Variants in TRAPPC2L observed in about 807,000 individuals in gnomAD.
TRAPPC2L encodes trafficking protein particle complex subunit 2L.
In TRAPPC2L, 17 loss-of-function variants were observed where a neutral mutation model predicts 13.2. That is an observed-to-expected ratio of 1.29 (90% CI 0.88 to 1.93). The LOEUF is 1.93. Among genes scored for constraint, TRAPPC2L ranks in the 30% most tolerant of loss-of-function variants. The pLI is 0.00. For missense variants in TRAPPC2L, 359 were observed against 252.1 expected (o/e 1.42, Z -2.87); for synonymous variants, 150 against 98.1 (o/e 1.53, Z -3.12).
At chr16:88,860,237 A>G (rs1402212056) in exon 4 of TRAPPC2L, 2 of 702,630 alleles carry the variant, frequency 2.8e-6, no homozygotes, top group African/African-American at 1.7e-5. Flanking sequence ...AGGTGTGCCC[A>G]GTGGGTACCT....
At chr16:88,856,920 T>C (rs1297521458), upstream of TRAPPC2L, 6 of 1,484,026 alleles carry the variant, frequency 4.0e-6, no homozygotes, top group Admixed American at 9.2e-5. Flanking sequence ...CGAGCCGACC[T>C]AGCGAGCGTC....
Position 88,858,945 on chromosome 16 carries a change from ACTCTT to A in TRAPPC2L, c.206+160_206+164del, listed in dbSNP as rs1968184514. On this transcript the variant is annotated intron_variant, in intron 2 of 3. Coordinates refer to ENST00000565504, the Ensembl canonical transcript of TRAPPC2L. The stretch of plus-strand genomic sequence containing the variant: ...AGCTTGAGGTGAATGAAGGCCTGTA[ACTCTT>A]CTCTTTCATTGGAAGAGCCATTTGG... 6.7e-6 allele frequency: 5 copies of A among 741,530 alleles called. No homozygotes were observed. The East Asian group carries it at 1.4e-4, about 21-fold the overall frequency. The allele number at this position is 741,530 out of a possible 1,614,324, so 45.9% of individuals were successfully genotyped here. A position where few individuals can be genotyped will look rare whatever the true frequency, so the allele number is the denominator to read the frequency against.
At chr16:88,859,792 T>C (rs759375219) in intron 3 of TRAPPC2L, 42 bp downstream of exon 3, 5 of 1,594,284 alleles carry the variant, frequency 3.1e-6, no homozygotes, top group Admixed American at 1.8e-5. Context: ...GTGGGTGTTT[T>C]GTTTTTCCTT....
upstream of TRAPPC2L, chr16:88,857,067 T>A (rs1470380990): frequency 6.7e-7 from 1 of 1,492,068 alleles, no homozygotes; most frequent in Non-Finnish European, 8.9e-7. Flanking sequence ...CTGAGCCAGC[T>A]GTGTGCGGAT....
At chr16:88,861,599 T>C (rs778245831) in exon 4 of TRAPPC2L, 2 of 479,824 alleles carry the variant, frequency 4.2e-6, no homozygotes, top group South Asian at 3.1e-5. Context: ...CTCCTGCCTG[T>C]TGGTGCTGAG....
chr16:88,860,714 G>A, exon 4 of TRAPPC2L: 1 of 632,702 alleles, frequency 1.6e-6, no homozygotes, highest in Non-Finnish European at 2.8e-6. Context: ...AGGCTGCACA[G>A]GGAACTTGGA....
rs987485550 is a variant in TRAPPC2L, at chr16:88,860,764, C to T, written c.*440C>T. On this transcript the variant is annotated 3_prime_UTR_variant, in exon 4 of 4. Transcript: ENST00000565504. The stretch of plus-strand genomic sequence containing the variant: ...TCTCAGTGCCCGGTGGGGTGGGACT[C>T]CTGTCCTGGCCTCTCAGCGGAGTTC... 33 of 829,206 alleles carry T rather than the reference C, an allele frequency of 4.0e-5. 1 individual carries two copies. The South Asian group carries it at 4.5e-4, about 11-fold the overall frequency. 51.4% of individuals were successfully genotyped at this position (829,206 alleles called of 1,614,324 possible). A position where few individuals can be genotyped will look rare whatever the true frequency, so the allele number is the denominator to read the frequency against.
rs755976894 is a variant in TRAPPC2L, at chr16:88,859,960, G to A, written c.362G>A (p.Arg121His). ...AACCCCTTCTACAACCCGGGGGACC[G>A]CATCCAGTCCAGGTGGGCCCTACTT... The change falls in exon 4 of 4, where the codon CGC (arginine) becomes CAC (histidine). Residue 121 changes from arginine (R) to histidine (H), a missense_variant. By Grantham distance (29) the Arg-to-His change is conservative. Coordinates refer to ENST00000565504, the Ensembl canonical transcript of TRAPPC2L. 9 of 1,612,336 alleles carry A rather than the reference G, an allele frequency of 5.6e-6. No homozygotes were observed. In the East Asian group the frequency reaches 8.9e-5, roughly 16 times the overall value.
chr16:88,859,925 C>G (rs142026034), exon 4 of TRAPPC2L: 8 of 1,549,500 alleles, frequency 5.2e-6, no homozygotes, highest in Admixed American at 1.8e-5. Context: ...CCTACACAGA[C>G]GTGATGTGCA....
chr16:88,857,458 C>T, intron 1 of TRAPPC2L: 3 of 431,242 alleles, frequency 7.0e-6, no homozygotes, highest in Non-Finnish European at 1.2e-5. Context: ...CTAGGTGGTC[C>T]CGGGCACTAC....
exon 4 of TRAPPC2L, chr16:88,861,175 T>C: frequency 1.7e-6 from 1 of 583,518 alleles, no homozygotes; most frequent in East Asian, 2.9e-5. Flanking sequence ...ACTAAGGACT[T>C]TTCTGGGGTG....
At chr16:88,856,529 C>T (rs1967900912), upstream of TRAPPC2L, 1 of 696,462 alleles carries the variant, frequency 1.4e-6, no homozygotes, top group Non-Finnish European at 2.6e-6. Context: ...AGACCCCACG[C>T]CTGGACCCCG....
At chr16:88,856,904 G>T (rs1194057254), upstream of TRAPPC2L, 11 of 1,499,028 alleles carry the variant, frequency 7.3e-6, no homozygotes, top group Non-Finnish European at 9.7e-6. Flanking sequence ...GCGGAGCCCC[G>T]GCCAGCGAGC....
At chr16:88,856,263 G>A (rs923825590), upstream of TRAPPC2L, 4 of 702,940 alleles carry the variant, frequency 5.7e-6, no homozygotes, top group Admixed American at 6.0e-5. Context: ...CTGGAGCCCA[G>A]CGGGGGGACC....
At chr16:88,858,912 A>G in intron 2 of TRAPPC2L, 121 bp downstream of exon 2, 1 of 1,109,372 alleles carries the variant, frequency 9.0e-7, no homozygotes, top group South Asian at 1.6e-5. Context: ...CAGCCAGGGA[A>G]TTAGGGTAGC....
In TRAPPC2L at chr16:88,860,133, G is replaced by A. The variant is rs1181733230; in HGVS notation, c.535G>A (p.Val179Ile). ...AGAGGTTTTAAAGCCACAAAGCCCC[G>A]TTTCTCCACACCAACTCTTACACAG... The change falls in exon 4 of 4, where the codon GTT becomes ATT. Residue 179 changes from valine (V) to isoleucine (I), a missense_variant. Transcript: ENST00000565504. 2.4e-5 allele frequency: 18 copies of A among 735,288 alleles called. No homozygotes were observed. In the Middle Eastern group the frequency reaches 6.8e-4, roughly 28 times the overall value. 45.5% of individuals were successfully genotyped at this position (735,288 alleles called of 1,614,324 possible).
At chr16:88,856,987 G>A, upstream of TRAPPC2L, 1 of 1,392,102 alleles carries the variant, frequency 7.2e-7, no homozygotes. Context: ...GTGACTCGCG[G>A]GGCGGGGCCA....
At chr16:88,858,638 G>A (rs1388982697) in exon 2 of TRAPPC2L, 10 of 1,612,834 alleles carry the variant, frequency 6.2e-6, no homozygotes, top group African/African-American at 1.3e-5. Flanking sequence ...CTCTACATTC[G>A]CAGCACCCCT....
upstream of TRAPPC2L, chr16:88,857,003 C>T (rs1456321388): frequency 1.4e-6 from 2 of 1,388,584 alleles, no homozygotes; most frequent in Non-Finnish European, 1.8e-6. Context: ...GGCCAGAGTC[C>T]GCGGAGGGAC....
Sources: gnomAD v4.1 joint callset for allele counts on GRCh38, gnomAD v4.1.1 for gene constraint, MANE v1.5 for transcripts, NCBI Gene and HGNC (gene_info 2026-07-23, HGNC 2026-07-21) for gene names.